MEIKIN: variants seen among roughly 807,000 people sequenced by gnomAD.
The protein encoded by MEIKIN is meiotic kinetochore factor, also known as meiosis-specific kinetochore protein.
intron 10 of MEIKIN, among the ~76,000 whole-genome samples, chr5:131,853,077 T>G (rs1274305810): frequency 1.3e-5 from 2 of 152,188 alleles, no homozygotes; most frequent in African/African-American, 4.8e-5. Flanking sequence ...TCCTTTCCCC[T>G]AGGAACCTGA....
intron 12 of MEIKIN, among the ~76,000 whole-genome samples, chr5:131,812,217 A>G (rs916250051): frequency 6.6e-6 from 1 of 152,200 alleles, no homozygotes; most frequent in African/African-American, 2.4e-5. Context: ...TATAACATGT[A>G]ATATGTAACA....
chr5:131,844,299 A>G (rs1480613180), intron 11 of MEIKIN, among the ~76,000 whole-genome samples: 2 of 152,222 alleles, frequency 1.3e-5, no homozygotes, highest in East Asian at 3.8e-4. Flanking sequence ...AAACAACAAA[A>G]ATAAATCAGA....
intron 9 of MEIKIN, among the ~76,000 whole-genome samples, chr5:131,871,813 G>C (rs1282333676): frequency 6.6e-6 from 1 of 152,112 alleles, no homozygotes; most frequent in African/African-American, 2.4e-5. Context: ...CCAGAGGAAC[G>C]ATCAGGCAGC....
chr5:131,834,239 T>C (rs1266963855), intron 11 of MEIKIN, among the ~76,000 whole-genome samples: 2 of 152,200 alleles, frequency 1.3e-5, no homozygotes, highest in Non-Finnish European at 2.9e-5. Flanking sequence ...AAATTGCATA[T>C]ATTCAAGGTG....
At chr5:131,943,539 G>C (rs958510553) in intron 3 of MEIKIN, among the ~76,000 whole-genome samples, 14 of 152,080 alleles carry the variant, frequency 9.2e-5, no homozygotes, top group African/African-American at 3.1e-4. Flanking sequence ...CTATCTACAA[G>C]ACAAAGCACT....
At chr5:131,864,183 T>C (rs1255571240) in intron 9 of MEIKIN, among the ~76,000 whole-genome samples, 2 of 152,210 alleles carry the variant, frequency 1.3e-5, no homozygotes, top group Non-Finnish European at 2.9e-5. Context: ...TGATATGTCA[T>C]GCTTTGTTCC....
At chr5:131,890,861 T>C (rs1329011310) in intron 8 of MEIKIN, among the ~76,000 whole-genome samples, 2 of 152,244 alleles carry the variant, frequency 1.3e-5, no homozygotes, top group African/African-American at 2.4e-5. Context: ...TTTAGTGCTA[T>C]AAATTTCCCT....
intron 9 of MEIKIN, among the ~76,000 whole-genome samples, chr5:131,858,475 A>G (rs1261478117): frequency 6.6e-6 from 1 of 152,216 alleles, no homozygotes; most frequent in African/African-American, 2.4e-5. Flanking sequence ...AAAACTATAA[A>G]AACTCTAGGA....
chr5:131,921,814 C>G lies in MEIKIN; in HGVS notation c.598+8G>C, dbSNP rs922702715. 1 of 398,912 alleles carries G rather than the reference C, an allele frequency of 2.5e-6. No individual in the cohort carries two copies. Among genetic ancestry groups the G allele is most frequent in the East Asian group, 3.6e-5 (1 of 28,056 alleles). 24.7% of individuals were successfully genotyped at this position (398,912 alleles called of 1,614,324 possible). A position where few individuals can be genotyped will look rare whatever the true frequency, so the allele number is the denominator to read the frequency against. Reference sequence around the variant, plus strand: ...GATGAGAAATGTTCCCCTGTGTGTGCAACTCACTGAAAATTGCTGAGACAT... The same window carrying G: ...GATGAGAAATGTTCCCCTGTGTGTGGAACTCACTGAAAATTGCTGAGACAT... On this transcript the variant is annotated splice_region_variant and intron_variant, in intron 6 of 12. Transcript: ENST00000442687.
At chr5:131,820,718 T>G (rs1454495210) in intron 11 of MEIKIN, among the ~76,000 whole-genome samples, 2 of 152,228 alleles carry the variant, frequency 1.3e-5, no homozygotes, top group Non-Finnish European at 2.9e-5. Context: ...CTATACAGGT[T>G]TTTGATTGAT....
chr5:131,943,559 C>T (rs193029812), intron 3 of MEIKIN, among the ~76,000 whole-genome samples: 187 of 152,168 alleles, frequency 1.2e-3, no homozygotes, highest in African/African-American at 4.4e-3. Flanking sequence ...TATGAAGACA[C>T]TGAAAGTCAT....
chr5:131,909,421 T>C (rs1751297921), intron 8 of MEIKIN, among the ~76,000 whole-genome samples: 2 of 152,168 alleles, frequency 1.3e-5, no homozygotes, highest in African/African-American at 4.8e-5. Flanking sequence ...CAAATTAAAA[T>C]GGATTAAAAA....
At chr5:131,823,231 T>C (rs1392527132) in intron 11 of MEIKIN, among the ~76,000 whole-genome samples, 1 of 152,202 alleles carries the variant, frequency 6.6e-6, no homozygotes. Flanking sequence ...CATATTTTTC[T>C]CTATGATTGG....
intron 8 of MEIKIN, among the ~76,000 whole-genome samples, chr5:131,897,983 C>T (rs1027053925): frequency 2.6e-5 from 4 of 152,116 alleles, no homozygotes; most frequent in Non-Finnish European, 5.9e-5. Context: ...AGAAGAGGTG[C>T]TCTGGTTTTT....
chr5:131,871,505 C>G (rs551957915), intron 9 of MEIKIN, among the ~76,000 whole-genome samples: 3 of 152,224 alleles, frequency 2.0e-5, no homozygotes, highest in Non-Finnish European at 4.4e-5. Flanking sequence ...CTGGGAAGCT[C>G]GAACTGGGTG....
chr5:131,823,279 AC>A (rs1749552233), intron 11 of MEIKIN, among the ~76,000 whole-genome samples: 1 of 151,798 alleles, frequency 6.6e-6, no homozygotes, highest in African/African-American at 2.4e-5. Context: ...TAAACTTTCT[AC>A]CCTATCTCTT....
chr5:131,811,596 C>T (rs1304557380), intron 12 of MEIKIN, among the ~76,000 whole-genome samples: 3 of 129,620 alleles, frequency 2.3e-5, no homozygotes, highest in African/African-American at 8.9e-5. Context: ...CATGAGCCAT[C>T]ATGCCTAGCC....
At chr5:131,876,803 A>G (rs962633015) in intron 9 of MEIKIN, among the ~76,000 whole-genome samples, 1 of 151,976 alleles carries the variant, frequency 6.6e-6, no homozygotes, top group African/African-American at 2.4e-5. Flanking sequence ...ATACCATGGA[A>G]TACTATGCAG....
chr5:131,907,392 A>T (rs1488002462), intron 8 of MEIKIN, among the ~76,000 whole-genome samples: 1 of 145,666 alleles, frequency 6.9e-6, no homozygotes, highest in East Asian at 1.9e-4. Flanking sequence ...GGTTTCTTGT[A>T]AAAAAAAAAC....
Sources: allele counts gnomAD v4.1 joint callset (sites outside exome capture counted in the v4.1 genomes callset), GRCh38; gene constraint gnomAD v4.1.1; transcripts MANE v1.5; gene names NCBI Gene and HGNC (gene_info 2026-07-23, HGNC 2026-07-21).